DCHS2: variants seen among roughly 807,000 people sequenced by gnomAD.
DCHS2 encodes the protein dachsous cadherin-related 2.
Under a neutral mutation model 182.4 loss-of-function variants are expected in DCHS2, and 142 were observed. That is an observed-to-expected ratio of 0.78 (90% CI 0.68 to 0.89). DCHS2 has a LOEUF of 0.89. Ranked by LOEUF, DCHS2 falls within the 40% of genes least tolerant of loss-of-function variation. The pLI is 0.00. For synonymous variants in DCHS2, 1,740 were observed against 1,663.3 expected (o/e 1.05, Z -1.12); for missense variants, 4,319 against 4,198.6 (o/e 1.03, Z -0.79).
intron 13 of DCHS2, among the ~76,000 whole-genome samples, chr4:154,292,469 T>C (rs1734712096): frequency 6.6e-6 from 1 of 152,214 alleles, no homozygotes; most frequent in Admixed American, 6.5e-5. Flanking sequence ...GAAGAATTCC[T>C]ATAAGAAGCC....
intron 19 of DCHS2, chr4:154,237,415 A>G: frequency 2.7e-6 from 1 of 373,456 alleles, no homozygotes; most frequent in Non-Finnish European, 4.3e-6. Flanking sequence ...TGTTGCCACA[A>G]ATTCCTCTGA....
At chr4:154,294,477 T>A (rs1292909853) in intron 13 of DCHS2, among the ~76,000 whole-genome samples, 1 of 152,212 alleles carries the variant, frequency 6.6e-6, no homozygotes, top group Non-Finnish European at 1.5e-5. Flanking sequence ...CCCCACTCAG[T>A]ATTTTGTTTA....
At chr4:154,237,211 C>T (rs1353143096) in intron 19 of DCHS2, 52 bp from the exon 20 acceptor site, 1 of 1,530,354 alleles carries the variant, frequency 6.5e-7, no homozygotes, top group African/African-American at 1.4e-5. Flanking sequence ...TTTTGATGAT[C>T]CATTTAATCG....
intron 1 of DCHS2, among the ~76,000 whole-genome samples, chr4:154,459,649 G>A (rs1414833039): frequency 6.6e-6 from 1 of 151,802 alleles, no homozygotes; most frequent in Non-Finnish European, 1.5e-5. Context: ...TTACATAATG[G>A]GATGTGGCAG....
Position 154,232,536 on chromosome 4 carries a change from T to TAA in DCHS2, c.*1998_*1999dup, listed in dbSNP as rs1026287654. ...GTAGATGAATAACTCTTTTTAAGCA[T>TAA]AAGTAAATGAAGAACCTGTTTAATT... is the stretch of plus-strand genomic sequence containing the variant. On this transcript the variant is annotated 3_prime_UTR_variant, in exon 20 of 20. Coordinates refer to ENST00000357232, the MANE Select transcript of DCHS2 (RefSeq NM_001358235.2). The TAA allele has an allele frequency of 6.6e-5, 10 of 152,164 alleles. No individual in the cohort carries two copies. The highest frequency in any genetic ancestry group is 1.5e-4 in the Non-Finnish European group (10 of 68,012). 9.4% of individuals were successfully genotyped at this position (152,164 alleles called of 1,614,324 possible).
intron 13 of DCHS2, among the ~76,000 whole-genome samples, chr4:154,277,675 A>T (rs1219784586): frequency 1.3e-5 from 2 of 152,088 alleles, no homozygotes; most frequent in South Asian, 2.1e-4. Context: ...AGAAACAAAA[A>T]ATGGCTGAAT....
chr4:154,429,324 C>T (rs1333094107), intron 1 of DCHS2, among the ~76,000 whole-genome samples: 3 of 152,158 alleles, frequency 2.0e-5, no homozygotes, highest in African/African-American at 7.2e-5. Context: ...CCCCTCTTTC[C>T]TTCCTTTTGT....
chr4:154,333,512 G>T lies in DCHS2; in HGVS notation c.2714-18C>A. On this transcript the variant is annotated intron_variant, in intron 4 of 19. Transcript: ENST00000357232. ...TGAGGAGTCTGAAAAAGAGAGAGGG[G>T]ACAACCACTGTATGTCAAAAGGGTG... 6.3e-7 allele frequency: 1 copy of T among 1,590,894 alleles called. No homozygotes were observed. The highest frequency in any genetic ancestry group is 8.6e-7 in the Non-Finnish European group (1 of 1,165,252).
chr4:154,234,871 G>A lies in DCHS2; in HGVS notation c.9781C>T (p.His3261Tyr), dbSNP rs200312523. 131 of 1,614,086 alleles carry A rather than the reference G, an allele frequency of 8.1e-5. 2 individuals carry two copies. In the Admixed American group the frequency reaches 1.8e-3, roughly 23 times the overall value. Residue 3261 changes from histidine to tyrosine, a missense_variant, in exon 20 of 20, where the codon CAT (histidine) becomes TAT (tyrosine). His to Tyr is a moderately conservative substitution (Grantham distance 83). Transcript: ENST00000357232. ...FNDIAKLKDE[H>Y]LHMPGIPKEK... ...TTTGGAATGCCAGGCATATGCAAAT[G>A]TTCATCCTTTAGTTTTGCAATATCA...
intron 10 of DCHS2, among the ~76,000 whole-genome samples, chr4:154,312,232 C>T (rs1735696288): frequency 6.6e-6 from 1 of 152,152 alleles, no homozygotes; most frequent in African/African-American, 2.4e-5. Flanking sequence ...TCAGTATAAT[C>T]GAGGTTGCTG....
chr4:154,463,838 T>C (rs1275373534), intron 1 of DCHS2, among the ~76,000 whole-genome samples: 1 of 152,094 alleles, frequency 6.6e-6, no homozygotes, highest in Non-Finnish European at 1.5e-5. Flanking sequence ...TCATATAGAT[T>C]CCATGTGATT....
At chr4:154,278,521 A>T (rs13136843) in intron 13 of DCHS2, among the ~76,000 whole-genome samples, 1 of 151,824 alleles carries the variant, frequency 6.6e-6, no homozygotes, top group Non-Finnish European at 1.5e-5. Flanking sequence ...TATTCATGAT[A>T]CTTAAAGGAC....
intron 1 of DCHS2, among the ~76,000 whole-genome samples, chr4:154,445,529 G>A (rs1276791950): frequency 2.0e-5 from 3 of 152,174 alleles, no homozygotes; most frequent in Non-Finnish European, 4.4e-5. Flanking sequence ...GCATAGGCCA[G>A]GCCGGGCATG....
intron 13 of DCHS2, among the ~76,000 whole-genome samples, chr4:154,276,662 A>G (rs981915820): frequency 2.0e-5 from 3 of 152,216 alleles, no homozygotes; most frequent in Admixed American, 2.0e-4. Flanking sequence ...ACATATTGCA[A>G]CTACTTAAGA....
chr4:154,295,395 G>A (rs899900151), intron 13 of DCHS2, among the ~76,000 whole-genome samples: 1 of 152,140 alleles, frequency 6.6e-6, no homozygotes, highest in Non-Finnish European at 1.5e-5. Flanking sequence ...AGCAATGACA[G>A]ATAACATGTG....
chr4:154,459,078 G>A (rs551232236), intron 1 of DCHS2, among the ~76,000 whole-genome samples: 61 of 152,252 alleles, frequency 4.0e-4, no homozygotes, highest in South Asian at 1.9e-3. Flanking sequence ...GTTACACAAT[G>A]GAGGCCAGAA....
chr4:154,420,303 A>T (rs2110913428), intron 1 of DCHS2, among the ~76,000 whole-genome samples: 1 of 152,278 alleles, frequency 6.6e-6, no homozygotes, highest in South Asian at 2.1e-4. Context: ...ATAGATAGAT[A>T]CGTACGTACA....
At chr4:154,399,869 A>G (rs1431690100) in intron 1 of DCHS2, among the ~76,000 whole-genome samples, 1 of 152,196 alleles carries the variant, frequency 6.6e-6, no homozygotes, top group Non-Finnish European at 1.5e-5. Context: ...AAACGAATAG[A>G]GAGGATATGC....
At chr4:154,413,541 C>A (rs1204563679) in intron 1 of DCHS2, among the ~76,000 whole-genome samples, 4 of 152,182 alleles carry the variant, frequency 2.6e-5, no homozygotes, top group Non-Finnish European at 5.9e-5. Flanking sequence ...ACATGCTCCA[C>A]CTTTCTCCCA....
Sources: gnomAD v4.1 joint callset for allele counts (sites outside exome capture counted in the v4.1 genomes callset) on GRCh38, gnomAD v4.1.1 for gene constraint, MANE v1.5 for transcripts, NCBI Gene and HGNC (gene_info 2026-07-23, HGNC 2026-07-21) for gene names.